Variants in SLC4A10 observed in about 807,000 individuals in gnomAD.
The protein encoded by SLC4A10 is solute carrier family 4 member 10.
SLC4A10 carries 42 observed loss-of-function variants against 137.7 expected under a neutral mutation model. That is an observed-to-expected ratio of 0.30 (90% CI 0.24 to 0.39). The LOEUF (loss-of-function observed/expected upper bound fraction) is 0.39. Ranked by LOEUF, SLC4A10 falls within the 10% of genes least tolerant of loss-of-function variation. The pLI, the probability that SLC4A10 is intolerant of heterozygous loss-of-function variation, is 1.00. For missense variants in SLC4A10, 925 were observed against 1,355.0 expected (o/e 0.68, Z 4.98); for synonymous variants, 474 against 464.1 (o/e 1.02, Z -0.27).
chr2:161,660,548 T>C (rs548413824), intron 1 of SLC4A10, among the ~76,000 whole-genome samples: 1 of 147,728 alleles, frequency 6.8e-6, no homozygotes, highest in Non-Finnish European at 1.5e-5. Context: ...GTTTGTGTAC[T>C]CATCTATATT....
intron 15 of SLC4A10, among the ~76,000 whole-genome samples, chr2:161,939,884 G>A (rs911601491): frequency 1.6e-4 from 24 of 151,888 alleles, no homozygotes; most frequent in African/African-American, 5.8e-4. Context: ...ATTTACTGTA[G>A]AACCAAGTAA....
intron 13 of SLC4A10, among the ~76,000 whole-genome samples, chr2:161,904,419 C>T (rs188509032): frequency 6.6e-4 from 101 of 152,226 alleles, no homozygotes; most frequent in African/African-American, 2.3e-3. Context: ...TTGCCCTCAG[C>T]GCCCCCAATC....
intron 2 of SLC4A10, among the ~76,000 whole-genome samples, chr2:161,786,340 G>A (rs1460892887): frequency 6.6e-6 from 1 of 151,634 alleles, no homozygotes. Context: ...ATCTCTTGTA[G>A]TCAGCAGATG....
intron 15 of SLC4A10, among the ~76,000 whole-genome samples, chr2:161,940,787 T>C (rs1007763158): frequency 2.0e-5 from 3 of 152,180 alleles, no homozygotes; most frequent in Admixed American, 6.5e-5. Flanking sequence ...AGAGCCCTCC[T>C]GGGTCAGAAC....
intron 1 of SLC4A10, among the ~76,000 whole-genome samples, chr2:161,758,783 T>C (rs948661136): frequency 2.0e-5 from 3 of 151,930 alleles, no homozygotes; most frequent in African/African-American, 7.2e-5. Flanking sequence ...ACAATTGACA[T>C]TTATGTCTCC....
intron 2 of SLC4A10, among the ~76,000 whole-genome samples, chr2:161,790,339 C>A (rs2125529129): frequency 6.6e-6 from 1 of 152,252 alleles, no homozygotes; most frequent in Non-Finnish European, 1.5e-5. Context: ...AAATTATCTT[C>A]TCTGCTGTAC....
chr2:161,967,867 T>G (rs1238185429), intron 23 of SLC4A10, among the ~76,000 whole-genome samples: 1 of 152,164 alleles, frequency 6.6e-6, no homozygotes, highest in Non-Finnish European at 1.5e-5. Flanking sequence ...TCAATAACTT[T>G]ATGTGAGCAC....
chr2:161,704,300 A>G (rs1467300198), intron 1 of SLC4A10, among the ~76,000 whole-genome samples: 1 of 151,750 alleles, frequency 6.6e-6, no homozygotes, highest in African/African-American at 2.4e-5. Flanking sequence ...AAAGTAAACA[A>G]TCAATCACAC....
intron 11 of SLC4A10, among the ~76,000 whole-genome samples, chr2:161,895,650 T>C (rs914751448): frequency 6.6e-6 from 1 of 152,254 alleles, no homozygotes; most frequent in Non-Finnish European, 1.5e-5. Flanking sequence ...GATTTGCATT[T>C]CTCTGATGAC....
chr2:161,692,759 A>T (rs563999491), intron 1 of SLC4A10, among the ~76,000 whole-genome samples: 4 of 152,202 alleles, frequency 2.6e-5, no homozygotes, highest in Admixed American at 2.6e-4. Context: ...TATAGATGGT[A>T]GATTTTTACC....
intron 10 of SLC4A10, among the ~76,000 whole-genome samples, chr2:161,882,711 T>C (rs2061896825): frequency 6.6e-6 from 1 of 152,116 alleles, no homozygotes; most frequent in Non-Finnish European, 1.5e-5. Flanking sequence ...ATTCCCTTTA[T>C]GGTATATGTG....
In SLC4A10 at chr2:161,721,509, G is replaced by A. The variant is rs188836300; in HGVS notation, c.49-49464G>A. Among the ~76,000 whole-genome samples the A allele has an allele frequency of 2.0e-3, 304 of 152,208 alleles. 2 individuals are homozygous for A. The highest frequency in any genetic ancestry group is 7.0e-3 in the African/African-American group (290 of 41,536). On this transcript the variant is annotated intron_variant, in intron 1 of 26. Coordinates refer to ENST00000446997, the MANE Select transcript of SLC4A10 (RefSeq NM_001178015.2). ...CTTTTCTTTAAGACTGTTGAATATTGGCCCCCAGTCTCTGCTGGCTTATAG... is the reference window on the plus strand; with the variant it reads ...CTTTTCTTTAAGACTGTTGAATATTAGCCCCCAGTCTCTGCTGGCTTATAG...
At chr2:161,778,024 C>A (rs141392002) in intron 2 of SLC4A10, among the ~76,000 whole-genome samples, 1 of 151,944 alleles carries the variant, frequency 6.6e-6, no homozygotes, top group Non-Finnish European at 1.5e-5. Context: ...GTTATATAGA[C>A]AACCTACTTA....
intron 3 of SLC4A10, among the ~76,000 whole-genome samples, chr2:161,807,612 T>C (rs1269862729): frequency 6.6e-6 from 1 of 152,184 alleles, no homozygotes; most frequent in Non-Finnish European, 1.5e-5. Context: ...TTGCATAGCA[T>C]GCAGTCTTAG....
At position 161,838,037 on chromosome 2, in the gene SLC4A10, A is replaced by T. The variant is rs888109201; in HGVS notation, c.278-1752A>T. Among the ~76,000 whole-genome samples the T allele has an allele frequency of 7.2e-5, 11 of 152,284 alleles. No homozygotes were observed. In the South Asian group the frequency reaches 2.3e-3, roughly 32 times the overall value. ...CCAGGCTTCAGAACTGCAAGAAATAAATTTCTGTTGTTTATAAGCCACTCA... is the reference window on the plus strand; with the variant it reads ...CCAGGCTTCAGAACTGCAAGAAATATATTTCTGTTGTTTATAAGCCACTCA... On this transcript the variant is annotated intron_variant, in intron 3 of 26. Coordinates refer to ENST00000446997, the MANE Select transcript of SLC4A10 (RefSeq NM_001178015.2).
chr2:161,875,725 C>G (rs2061417362), intron 8 of SLC4A10, among the ~76,000 whole-genome samples: 1 of 152,160 alleles, frequency 6.6e-6, no homozygotes, highest in African/African-American at 2.4e-5. Context: ...CTGCATCTAG[C>G]TTTAGTGTAT....
chr2:161,652,876 A>T, intron 1 of SLC4A10, among the ~76,000 whole-genome samples: 1 of 147,650 alleles, frequency 6.8e-6, no homozygotes, highest in African/African-American at 2.5e-5. Flanking sequence ...GTATATTTTA[A>T]GTTCCAGGAT....
intron 2 of SLC4A10, among the ~76,000 whole-genome samples, chr2:161,780,812 G>T (rs559763804): frequency 7.9e-5 from 12 of 152,038 alleles, no homozygotes; most frequent in Non-Finnish European, 1.5e-4. Flanking sequence ...ATATTTTTAA[G>T]TGCCCAACAA....
intron 15 of SLC4A10, among the ~76,000 whole-genome samples, chr2:161,908,558 C>T (rs1439594164): frequency 6.7e-6 from 1 of 148,312 alleles, no homozygotes; most frequent in Admixed American, 6.7e-5. Context: ...GCACGTTGTG[C>T]ACATGTACCC....
Sources: gnomAD v4.1 joint callset for allele counts (sites outside exome capture counted in the v4.1 genomes callset) on GRCh38, gnomAD v4.1.1 for gene constraint, MANE v1.5 for transcripts, NCBI Gene and HGNC (gene_info 2026-07-23, HGNC 2026-07-21) for gene names.